The following KAZN variants were observed in gnomAD, a reference collection of about 807,000 sequenced individuals.
The protein encoded by KAZN is kazrin, periplakin interacting protein, also known as kazrin.
KAZN carries 40 observed loss-of-function variants against 87.4 expected under a neutral mutation model. The observed-to-expected ratio is 0.46, with a 90% CI of 0.36 to 0.60. The LOEUF is 0.60. Ranked by LOEUF, KAZN falls within the 20% of genes least tolerant of loss-of-function variation. The probability of loss-of-function intolerance (pLI) is 0.00; values close to 1 mark genes in which losing one functional copy is unlikely to be tolerated. For missense variants in KAZN, 898 were observed against 1,073.9 expected (o/e 0.84, Z 2.29); for synonymous variants, 466 against 458.3 (o/e 1.02, Z -0.22).
intron 2 of KAZN, among the ~76,000 whole-genome samples, chr1:14,399,600 T>C (rs820668): frequency 0.97 from 147,531 of 152,122 alleles, 71,594 homozygotes; most frequent in East Asian, 1. Context: ...GTACTGGGTT[T>C]AGTCACGTAA....
In KAZN at chr1:14,975,901, G is replaced by A. The variant is rs945995127; in HGVS notation, c.418+15026G>A. Among the ~76,000 whole-genome samples, 10 of 152,032 alleles carry A rather than the reference G, an allele frequency of 6.6e-5. No homozygotes were observed. The East Asian group carries it at 1.7e-3, about 27-fold the overall frequency. On this transcript the variant is annotated intron_variant, in intron 2 of 14. Transcript: ENST00000376030. ...AAAAAAATTAACTGGGCGTAGTGGCGGGCGCCTGTAGTCCCAGCTACTTGG... is the reference window on the plus strand; with the variant it reads ...AAAAAAATTAACTGGGCGTAGTGGCAGGCGCCTGTAGTCCCAGCTACTTGG...
At chr1:14,466,866 G>A (rs1265935753) in intron 2 of KAZN, among the ~76,000 whole-genome samples, 2 of 152,178 alleles carry the variant, frequency 1.3e-5, no homozygotes, top group Non-Finnish European at 2.9e-5. Flanking sequence ...CTACTTGGGA[G>A]GCTGAGGCAG....
chr1:14,396,373 C>T (rs1411817544), intron 2 of KAZN, among the ~76,000 whole-genome samples: 3 of 152,132 alleles, frequency 2.0e-5, no homozygotes, highest in African/African-American at 4.8e-5. Flanking sequence ...AACCCAAGTC[C>T]CTGCCAGCCA....
intron 2 of KAZN, among the ~76,000 whole-genome samples, chr1:14,502,366 C>T (rs1670303634): frequency 6.6e-6 from 1 of 152,118 alleles, no homozygotes; most frequent in Middle Eastern, 3.2e-3. Flanking sequence ...GACCTGAAGG[C>T]AATAGTTTTG....
At chr1:14,967,061 C>T (rs1476132167) in intron 2 of KAZN, among the ~76,000 whole-genome samples, 1 of 152,174 alleles carries the variant, frequency 6.6e-6, no homozygotes, top group East Asian at 1.9e-4. Context: ...GATGTTGAGG[C>T]TTTGATGCAG....
At chr1:14,434,365 G>A (rs568139651) in intron 2 of KAZN, among the ~76,000 whole-genome samples, 10 of 152,172 alleles carry the variant, frequency 6.6e-5, no homozygotes, top group South Asian at 4.1e-4. Flanking sequence ...AGAGTTGTGC[G>A]GAGCCATGTT....
intron 1 of KAZN, among the ~76,000 whole-genome samples, chr1:14,104,202 C>A (rs1290845008): frequency 6.6e-6 from 1 of 152,198 alleles, no homozygotes; most frequent in Non-Finnish European, 1.5e-5. Flanking sequence ...GAGCTGGTGC[C>A]AGATGCGTCT....
At chr1:14,679,111 TG>T (rs1377223469) in intron 1 of KAZN, among the ~76,000 whole-genome samples, 1 of 152,214 alleles carries the variant, frequency 6.6e-6, no homozygotes, top group African/African-American at 2.4e-5. Context: ...TATTCGGGTA[TG>T]GTGAAGTCCA....
intron 1 of KAZN, among the ~76,000 whole-genome samples, chr1:14,920,282 T>TG (rs1658356064): frequency 2.1e-5 from 3 of 145,766 alleles, no homozygotes; most frequent in South Asian, 4.6e-4. Flanking sequence ...TTCTGTTTTT[T>TG]TTTTTTTTTT....
chr1:14,303,542 C>A (rs181493226), intron 2 of KAZN, among the ~76,000 whole-genome samples: 4 of 152,286 alleles, frequency 2.6e-5, no homozygotes, highest in Non-Finnish European at 4.4e-5. Flanking sequence ...TGCGCCCAGA[C>A]GGGAATCTGC....
intron 1 of KAZN, among the ~76,000 whole-genome samples, chr1:14,950,403 G>A (rs2101701029): frequency 6.6e-6 from 1 of 152,196 alleles, no homozygotes; most frequent in Non-Finnish European, 1.5e-5. Context: ...CCCCATGCAG[G>A]GACCAGGCAG....
chr1:14,166,314 AAAAT>A (rs151108761), intron 1 of KAZN, among the ~76,000 whole-genome samples: 7,740 of 152,168 alleles, frequency 0.051, 284 homozygotes, highest in South Asian at 0.1. Context: ...GACTGTCTCA[AAAAT>A]AAATAAATAA....
intron 1 of KAZN, among the ~76,000 whole-genome samples, chr1:14,767,952 C>A (rs1316078336): frequency 6.6e-6 from 1 of 152,192 alleles, no homozygotes; most frequent in Non-Finnish European, 1.5e-5. Context: ...TTCAATCTTC[C>A]TTTCCAAGCC....
intron 1 of KAZN, among the ~76,000 whole-genome samples, chr1:14,101,994 C>A (rs536805050): frequency 9.2e-5 from 14 of 152,008 alleles, no homozygotes; most frequent in Admixed American, 2.0e-4. Flanking sequence ...AGAGAATGAA[C>A]TTCAGGATAT....
At chr1:14,455,138 C>A (rs978719355) in intron 2 of KAZN, among the ~76,000 whole-genome samples, 1 of 152,334 alleles carries the variant, frequency 6.6e-6, no homozygotes, top group East Asian at 1.9e-4. Flanking sequence ...GAAATGACAT[C>A]GCAATGTGGG....
Position 15,112,464 on chromosome 1 carries a change from C to G in KAZN, c.2086C>G (p.Pro696Ala). The G allele has an allele frequency of 6.2e-7, 1 of 1,607,420 alleles. No individual in the cohort carries two copies. Among genetic ancestry groups the G allele is most frequent in the Non-Finnish European group, 8.5e-7 (1 of 1,177,492 alleles). The change falls in exon 14 of 15, where the codon CCC becomes GCC. Residue 696 changes from proline to alanine, a missense_variant. Coordinates refer to ENST00000376030, the MANE Select transcript of KAZN (RefSeq NM_201628.3). The stretch of plus-strand genomic sequence containing the variant: ...CCGGGAGGCTGAGCGTTTTGGAACG[C>G]CCCCTGGCAGGGCCTCCAGCGTCAC... Reference protein sequence around the residue: ...GIREAERFGTPPGRASSVTRA... With the variant: ...GIREAERFGTAPGRASSVTRA...
At chr1:14,727,806 A>G (rs2100338401) in intron 1 of KAZN, among the ~76,000 whole-genome samples, 1 of 152,168 alleles carries the variant, frequency 6.6e-6, no homozygotes, top group South Asian at 2.1e-4. Flanking sequence ...ATGTAATGAA[A>G]TAATGGTACA....
intron 1 of KAZN, among the ~76,000 whole-genome samples, chr1:14,925,269 A>G (rs560519539): frequency 8.4e-4 from 128 of 152,130 alleles, no homozygotes; most frequent in African/African-American, 3.0e-3. Flanking sequence ...GGGCATGGGG[A>G]TGGGAGACAG....
intron 2 of KAZN, among the ~76,000 whole-genome samples, chr1:14,508,415 C>T (rs1223097562): frequency 2.6e-5 from 4 of 152,154 alleles, no homozygotes; most frequent in African/African-American, 9.7e-5. Flanking sequence ...TCTTATTAGG[C>T]TCGCAGATTC....
Sources: gnomAD v4.1 joint callset for allele counts (sites outside exome capture counted in the v4.1 genomes callset) on GRCh38, gnomAD v4.1.1 for gene constraint, MANE v1.5 for transcripts, NCBI Gene and HGNC (gene_info 2026-07-23, HGNC 2026-07-21) for gene names.